The following UBN2 variants were observed in gnomAD, a reference collection of about 807,000 sequenced individuals.
UBN2 encodes ubinuclein 2.
In UBN2, 35 loss-of-function variants were observed where a neutral mutation model predicts 120.2. The ratio of observed to expected loss-of-function variants is 0.29; its 90% CI spans 0.22 to 0.39. The LOEUF (loss-of-function observed/expected upper bound fraction) is 0.39. UBN2 is among the 10% of genes least tolerant of loss of function. UBN2 has a pLI of 1.00. For synonymous variants in UBN2, 661 were observed against 648.7 expected (o/e 1.02, Z -0.29); for missense variants, 1,693 against 1,663.2 (o/e 1.02, Z -0.31).
At position 139,276,464 on chromosome 7, in the gene UBN2, T is replaced by C. The variant is rs1287907197; in HGVS notation, c.2024+317T>C. ...CTCCACCTCTTAATGTCCATCTGCA[T>C]TTGTAATCTACAGCCCTCTGTGTCC... On this transcript the variant is annotated intron_variant, in intron 12 of 17. Transcript: ENST00000473989. The C allele has an allele frequency of 1.1e-5, 4 of 362,298 alleles. No homozygotes were observed. The Admixed American group carries it at 1.8e-4, about 16-fold the overall frequency. 22.4% of individuals were successfully genotyped at this position (362,298 alleles called of 1,614,324 possible).
At chr7:139,265,675 G>C (rs1401825369) in intron 6 of UBN2, among the ~76,000 whole-genome samples, 3 of 152,106 alleles carry the variant, frequency 2.0e-5, no homozygotes, top group Non-Finnish European at 4.4e-5. Context: ...GCTTAGAAGA[G>C]GGAGGCAGAA....
At chr7:139,312,928 C>T (rs1175552024), downstream of UBN2, among the ~76,000 whole-genome samples, 1 of 152,084 alleles carries the variant, frequency 6.6e-6, no homozygotes, top group Non-Finnish European at 1.5e-5. Context: ...TTTGTGGTAC[C>T]ATTTTTATCA....
chr7:139,296,570 T>C (rs1261109342), intron 17 of UBN2, among the ~76,000 whole-genome samples: 1 of 152,198 alleles, frequency 6.6e-6, no homozygotes, highest in African/African-American at 2.4e-5. Context: ...GTTGGAGACT[T>C]TCTCCATATT....
intron 1 of UBN2, 121 bp downstream of exon 1, chr7:139,232,073 TGCGGGGGGCCGGGGCCGA>T (rs1213856532): frequency 2.1e-6 from 2 of 939,172 alleles, no homozygotes; most frequent in Admixed American, 2.9e-5. Context: ...GAGGGTGGGG[TGCGGGGGGCCGGGGCCGA>T]GCGGGTGGAC....
chr7:139,319,491 C>T, the UBN2 span, among the ~76,000 whole-genome samples: 1 of 152,312 alleles, frequency 6.6e-6, no homozygotes, highest in South Asian at 2.1e-4. Context: ...TGTGCAGATG[C>T]TCACCTGTGG....
rs570625144 is a variant in UBN2, at chr7:139,270,273, T to C, written c.1596+750T>C. ...ATGTCTACATATAGCAGAAATACTT[T>C]TTTTTTTTTTTTTTTTGTGACAGAG... is the stretch of plus-strand genomic sequence containing the variant. On this transcript the variant is annotated intron_variant, in intron 8 of 17. Transcript: ENST00000473989. Among the ~76,000 whole-genome samples, 15 of 149,312 alleles carry C rather than the reference T, an allele frequency of 1.0e-4. No homozygotes were observed. In the East Asian group the frequency reaches 2.9e-3, roughly 29 times the overall value.
the UBN2 span, among the ~76,000 whole-genome samples, chr7:139,329,391 T>TAA: frequency 1.2e-4 from 18 of 150,178 alleles, no homozygotes; most frequent in African/African-American, 3.4e-4. Flanking sequence ...ACATTAAGCT[T>TAA]AAAAAAAAAA....
At chr7:139,236,122 A>G (rs1309464493) in intron 1 of UBN2, among the ~76,000 whole-genome samples, 1 of 152,178 alleles carries the variant, frequency 6.6e-6, no homozygotes, top group East Asian at 1.9e-4. Flanking sequence ...ATATGTTTGT[A>G]TACTAAAATA....
intron 2 of UBN2, among the ~76,000 whole-genome samples, chr7:139,246,971 C>T (rs768542096): frequency 6.6e-6 from 1 of 152,018 alleles, no homozygotes; most frequent in Non-Finnish European, 1.5e-5. Context: ...AGATGATGAC[C>T]GTTGGGTTGT....
chr7:139,310,055 A>G (rs1032921466), downstream of UBN2, among the ~76,000 whole-genome samples: 1 of 152,100 alleles, frequency 6.6e-6, no homozygotes, highest in Non-Finnish European at 1.5e-5. Context: ...GAAAAGAGGG[A>G]GAAAGAAATG....
intron 15 of UBN2, among the ~76,000 whole-genome samples, chr7:139,289,079 A>C (rs1488823295): frequency 6.6e-6 from 1 of 151,970 alleles, no homozygotes; most frequent in African/African-American, 2.4e-5. Flanking sequence ...CCTGGGAATA[A>C]AATGTAGAGG....
intron 2 of UBN2, among the ~76,000 whole-genome samples, chr7:139,249,997 G>A (rs1187065648): frequency 6.6e-6 from 1 of 152,016 alleles, no homozygotes; most frequent in Non-Finnish European, 1.5e-5. Context: ...TACTGCACCT[G>A]GCCTTCTCTT....
At chr7:139,265,729 G>A (rs1216183307) in intron 6 of UBN2, among the ~76,000 whole-genome samples, 1 of 152,052 alleles carries the variant, frequency 6.6e-6, no homozygotes, top group East Asian at 1.9e-4. Flanking sequence ...TGAAGGGAGA[G>A]CCTAGAGGGA....
chr7:139,286,350 C>T (rs1797786583), intron 15 of UBN2, among the ~76,000 whole-genome samples: 1 of 152,202 alleles, frequency 6.6e-6, no homozygotes, highest in Admixed American at 6.5e-5. Context: ...AGGCATGAGT[C>T]ACTGCGCCGG....
chr7:139,278,526 G>A (rs1484000033), intron 12 of UBN2, among the ~76,000 whole-genome samples: 1 of 151,544 alleles, frequency 6.6e-6, no homozygotes, highest in Non-Finnish European at 1.5e-5. Context: ...TTAACTTTGT[G>A]TTTTGTTTAA....
intron 2 of UBN2, among the ~76,000 whole-genome samples, chr7:139,244,376 T>C (rs760222698): frequency 5.3e-5 from 8 of 152,084 alleles, no homozygotes; most frequent in Non-Finnish European, 1.2e-4. Context: ...ATAAAAAAAT[T>C]TTTTTAAGAG....
In UBN2 at chr7:139,273,989, A is replaced by G; in HGVS notation, c.1888A>G (p.Lys630Glu). 1 of 1,613,898 alleles carries G rather than the reference A, an allele frequency of 6.2e-7. No individual in the cohort carries two copies. Among genetic ancestry groups the G allele is most frequent in the Non-Finnish European group, 8.5e-7 (1 of 1,179,910 alleles). Residue 630 changes from lysine to glutamate, a missense_variant, in exon 11 of 18, where the codon AAA becomes GAA. Lys to Glu is a moderately conservative substitution (Grantham distance 56). Around this residue, in one of 5 missense-constraint regions of UBN2, gnomAD observed 178 missense variants for 204.0 expected, o/e 0.87. Coordinates refer to ENST00000473989, the MANE Select transcript of UBN2 (RefSeq NM_173569.4). ...GGGATGCTATGAGTTAGAACCAAATAAAAGCCAGTCTGCTGAAGATTATCT... is the reference window on the plus strand; with the variant it reads ...GGGATGCTATGAGTTAGAACCAAATGAAAGCCAGTCTGCTGAAGATTATCT... ...KLGCYELEPN[K>E]SQSAEDYLKS...
chr7:139,264,795 C>T (rs986507746), intron 6 of UBN2, among the ~76,000 whole-genome samples: 8 of 152,000 alleles, frequency 5.3e-5, no homozygotes, highest in South Asian at 4.2e-4. Context: ...TCACCATGTT[C>T]GTTAGGATGT....
chr7:139,327,119 C>T, the UBN2 span, among the ~76,000 whole-genome samples: 1,579 of 152,346 alleles, frequency 0.01, 35 homozygotes, highest in African/African-American at 0.036. Context: ...CCGCAACCTC[C>T]GCCTCCCGGG....
Sources: allele counts gnomAD v4.1 joint callset (sites outside exome capture counted in the v4.1 genomes callset), GRCh38; gene constraint gnomAD v4.1.1; regional missense constraint gnomAD v4.1.1; transcripts MANE v1.5; gene names NCBI Gene and HGNC (gene_info 2026-07-23, HGNC 2026-07-21).